BARD1: variants seen among roughly 807,000 people sequenced by gnomAD.
BARD1 encodes BRCA1-associated RING domain protein 1.
Under a neutral mutation model 77.0 loss-of-function variants are expected in BARD1, and 73 were observed. The ratio of observed to expected loss-of-function variants is 0.95; its 90% confidence interval spans 0.79 to 1.15. BARD1 has a LOEUF of 1.15. Ranked by LOEUF, BARD1 falls within the 50% of genes most tolerant of loss-of-function variation. The probability of loss-of-function intolerance (pLI) is 0.00; values close to 1 mark genes in which losing one functional copy is unlikely to be tolerated. For synonymous variants in BARD1, 384 were observed against 338.0 expected (o/e 1.14, Z -1.49); for missense variants, 993 against 938.8 (o/e 1.06, Z -0.75).
chr2:214,769,712 G>A (rs893113289), intron 4 of BARD1, among the ~76,000 whole-genome samples: 1 of 152,170 alleles, frequency 6.6e-6, no homozygotes, highest in Admixed American at 6.5e-5. Flanking sequence ...CTGCACTCCA[G>A]CCTGGGCCAC....
chr2:214,799,370 A>G (rs1249130536), intron 1 of BARD1, among the ~76,000 whole-genome samples: 1 of 152,188 alleles, frequency 6.6e-6, no homozygotes, highest in East Asian at 1.9e-4. Flanking sequence ...TTGTATCTCT[A>G]CCAAAGTAAT....
At chr2:214,788,712 A>C (rs1363654857) in intron 3 of BARD1, among the ~76,000 whole-genome samples, 2 of 152,104 alleles carry the variant, frequency 1.3e-5, no homozygotes, top group Non-Finnish European at 2.9e-5. Context: ...ACAGCTTAGG[A>C]ATCACTTAAT....
At chr2:214,736,208 G>A (rs368528194) in intron 9 of BARD1, among the ~76,000 whole-genome samples, 20 of 151,958 alleles carry the variant, frequency 1.3e-4, no homozygotes, top group African/African-American at 4.8e-4. Flanking sequence ...TTGAAAATGA[G>A]ACTCAAAATT....
chr2:214,796,903 C>A, intron 2 of BARD1, 158 bp downstream of exon 2: 2 of 654,048 alleles, frequency 3.1e-6, no homozygotes, highest in South Asian at 1.9e-5. Context: ...AATTAAGACA[C>A]AGTTTTAAAG....
At chr2:214,791,417 T>C (rs1389562073) in intron 3 of BARD1, among the ~76,000 whole-genome samples, 1 of 152,210 alleles carries the variant, frequency 6.6e-6, no homozygotes, top group East Asian at 1.9e-4. Flanking sequence ...TTATCAATCA[T>C]CCATGGCATC....
intron 9 of BARD1, among the ~76,000 whole-genome samples, chr2:214,735,318 G>A (rs1273211517): frequency 6.6e-6 from 1 of 152,000 alleles, no homozygotes; most frequent in Admixed American, 6.5e-5. Flanking sequence ...ACTGTGAAAG[G>A]GCCACTTGTT....
At chr2:214,788,075 A>T (rs4673900) in intron 3 of BARD1, among the ~76,000 whole-genome samples, 7,936 of 152,120 alleles carry the variant, frequency 0.052, 230 homozygotes, top group Admixed American at 0.083. Flanking sequence ...TATTATAAAA[A>T]AGTCATAGCA....
Position 214,751,141 on chromosome 2 carries a change from ATATATATATATTTT to A in BARD1, c.1677+1292_1677+1305del, listed in dbSNP as rs1559393159. Among the ~76,000 whole-genome samples the A allele has an allele frequency of 4.7e-3, 92 of 19,496 alleles. 1 individual carries two copies. The highest frequency in any genetic ancestry group is 9.8e-3 in the African/African-American group (82 of 8,350). 12.8% of individuals were successfully genotyped at this position (19,496 alleles called of 152,430 possible). A position where few individuals can be genotyped will look rare whatever the true frequency, so the allele number is the denominator to read the frequency against. The stretch of plus-strand genomic sequence containing the variant: ...TGTATATATATATATATATATATAT[ATATATATATATTTT>A]TTTTTTTTTTTTTTTTTTTTTTGAG... On this transcript the variant is annotated intron_variant, in intron 7 of 10. Transcript: ENST00000260947.
intron 3 of BARD1, among the ~76,000 whole-genome samples, chr2:214,790,894 T>G (rs1276272686): frequency 1.3e-5 from 2 of 152,162 alleles, no homozygotes; most frequent in East Asian, 3.9e-4. Flanking sequence ...GCATGGGCCC[T>G]TGATTAAGAA....
chr2:214,741,650 G>C (rs1381543536), intron 9 of BARD1, among the ~76,000 whole-genome samples: 1 of 152,070 alleles, frequency 6.6e-6, no homozygotes, highest in Non-Finnish European at 1.5e-5. Flanking sequence ...GATGTTGAAG[G>C]AGGGACTTTT....
chr2:214,772,879 G>A (rs904797549), intron 4 of BARD1, among the ~76,000 whole-genome samples: 1 of 152,160 alleles, frequency 6.6e-6, no homozygotes, highest in East Asian at 1.9e-4. Flanking sequence ...TTTGATTCTG[G>A]CTTCTTTAAA....
chr2:214,773,621 T>A (rs182130188), intron 4 of BARD1, among the ~76,000 whole-genome samples: 7 of 119,300 alleles, frequency 5.9e-5, no homozygotes, highest in Non-Finnish European at 1.3e-4. Context: ...AAGTGTGCAA[T>A]AGCATTATGT....
In BARD1 at chr2:214,809,632, CAG is replaced by C; in HGVS notation, c.-65_-64del. 6.6e-7 allele frequency: 1 copy of C among 1,515,542 alleles called. No homozygotes were observed. Among genetic ancestry groups the C allele is most frequent in the Non-Finnish European group, 8.8e-7 (1 of 1,130,976 alleles). 93.9% of individuals were successfully genotyped at this position (1,515,542 alleles called of 1,614,324 possible). A position where few individuals can be genotyped will look rare whatever the true frequency, so the allele number is the denominator to read the frequency against. On this transcript the variant is annotated 5_prime_UTR_variant, in exon 1 of 11. Transcript: ENST00000260947. ...GAAGCAAGGAAGCCTCGGGAAACCACAGGGAAGCTGCAGGCCAGCGACTCGAA... is the reference window on the plus strand; with the variant it reads ...GAAGCAAGGAAGCCTCGGGAAACCACGGAAGCTGCAGGCCAGCGACTCGAA...
chr2:214,787,770 GA>G (rs1471389125), intron 3 of BARD1, among the ~76,000 whole-genome samples: 22 of 151,830 alleles, frequency 1.4e-4, no homozygotes, highest in South Asian at 2.1e-4. Context: ...ATCAACTATA[GA>G]AAAAAGAGGC....
chr2:214,772,938 T>C lies in BARD1; in HGVS notation c.1315-3626A>G, dbSNP rs577567703. Among the ~76,000 whole-genome samples the C allele has an allele frequency of 3.3e-5, 5 of 152,364 alleles. No individual in the cohort carries two copies. In the South Asian group the frequency reaches 6.2e-4, roughly 19 times the overall value. ...GGCTCCTCACAACTTGAAAGAATAA[T>C]TGAACTTTTCTTAAACCACAGCAAA... On this transcript the variant is annotated intron_variant, in intron 4 of 10. Coordinates refer to ENST00000260947, the MANE Select transcript of BARD1 (RefSeq NM_000465.4).
At chr2:214,802,228 A>T (rs1471010960) in intron 1 of BARD1, among the ~76,000 whole-genome samples, 1 of 152,204 alleles carries the variant, frequency 6.6e-6, no homozygotes, top group Non-Finnish European at 1.5e-5. Context: ...GCTGGGCCAC[A>T]GCAGGAAGTC....
chr2:214,791,403 A>G (rs1285004698), intron 3 of BARD1, among the ~76,000 whole-genome samples: 1 of 152,232 alleles, frequency 6.6e-6, no homozygotes, highest in Non-Finnish European at 1.5e-5. Flanking sequence ...ATTTTATATG[A>G]GCATTATCAA....
At chr2:214,779,032 A>AGAGATG (rs1194868223) in intron 4 of BARD1, among the ~76,000 whole-genome samples, 1 of 152,160 alleles carries the variant, frequency 6.6e-6, no homozygotes, top group Non-Finnish European at 1.5e-5. Context: ...TATAATATAC[A>AGAGATG]TATATATAAC....
chr2:214,801,624 G>C (rs1696023900), intron 1 of BARD1, among the ~76,000 whole-genome samples: 2 of 152,000 alleles, frequency 1.3e-5, no homozygotes, highest in African/African-American at 4.8e-5. Context: ...TCCATCTCTT[G>C]GATTTCAGCC....
Sources: allele counts gnomAD v4.1 joint callset (sites outside exome capture counted in the v4.1 genomes callset), GRCh38; gene constraint gnomAD v4.1.1; transcripts MANE v1.5; gene names NCBI Gene and HGNC (gene_info 2026-07-23, HGNC 2026-07-21).